Variants in CTNNA2 observed in about 807,000 individuals in gnomAD.
CTNNA2 encodes catenin alpha 2.
CTNNA2 carries 42 observed loss-of-function variants against 101.0 expected under a neutral mutation model. That is an observed-to-expected ratio of 0.42 (90% confidence interval 0.32 to 0.54). The LOEUF is 0.54. Among genes scored for constraint, CTNNA2 ranks in the 20% least tolerant of loss-of-function variants. The pLI, the probability that CTNNA2 is intolerant of heterozygous loss-of-function variation, is 0.14. For missense variants in CTNNA2, 871 were observed against 1,223.1 expected (o/e 0.71, Z 4.29); for synonymous variants, 450 against 456.4 (o/e 0.99, Z 0.18).
chr2:80,190,216 A>T (rs535694226), intron 7 of CTNNA2, among the ~76,000 whole-genome samples: 1 of 152,042 alleles, frequency 6.6e-6, no homozygotes, highest in Non-Finnish European at 1.5e-5. Flanking sequence ...AGCAAATGTG[A>T]CATGGGGTTT....
At chr2:79,775,076 C>G (rs562736256) in intron 3 of CTNNA2, among the ~76,000 whole-genome samples, 1 of 152,252 alleles carries the variant, frequency 6.6e-6, no homozygotes, top group African/African-American at 2.4e-5. Flanking sequence ...ATAAGAAAGA[C>G]TAAACAATAA....
chr2:80,347,612 T>A lies in CTNNA2; in HGVS notation c.1057-45599T>A, dbSNP rs148139553. 2.1e-3 allele frequency among the ~76,000 whole-genome samples: 323 copies of A among 152,264 alleles called. 1 individual carries two copies. The highest frequency in any genetic ancestry group is 7.6e-3 in the African/African-American group (316 of 41,546). ...GGAGCATGTGTTCTTTGAGCTCACA[T>A]TGCATAATGGAAATAAGCAACAAAC... On this transcript the variant is annotated intron_variant, in intron 7 of 18. Coordinates refer to ENST00000402739, the MANE Select transcript of CTNNA2 (RefSeq NM_001282597.3).
rs370151178 is a variant in CTNNA2 at position 80,303,544 on chromosome 2, C to T, written c.1057-89667C>T. 1 of 1,614,130 alleles carries T rather than the reference C, an allele frequency of 6.2e-7. No homozygotes were observed. Among genetic ancestry groups the T allele is most frequent in the Non-Finnish European group, 8.5e-7 (1 of 1,180,058 alleles). On this transcript the variant is annotated intron_variant, in intron 7 of 18. Transcript: ENST00000402739. The surrounding 1 kb of genome is among the most constrained non-coding windows in gnomAD (Gnocchi z 7.7). ...TGTGATTGTGATCCAGATAGAGCCA[C>T]GTGAGCTGCATTAACCCCGTGAACT...
chr2:80,421,101 G>A (rs1680486996), intron 9 of CTNNA2, among the ~76,000 whole-genome samples: 1 of 152,136 alleles, frequency 6.6e-6, no homozygotes, highest in South Asian at 2.1e-4. Flanking sequence ...TTGAGAAGGG[G>A]AAGGCGGAGA....
chr2:80,361,834 A>G (rs977024229), intron 7 of CTNNA2, among the ~76,000 whole-genome samples: 4 of 152,176 alleles, frequency 2.6e-5, no homozygotes, highest in Non-Finnish European at 5.9e-5. Context: ...TTGTATAAGT[A>G]CTAAACAAGA....
At chr2:79,860,919 T>TA (rs1309836963) in intron 4 of CTNNA2, among the ~76,000 whole-genome samples, 1 of 152,220 alleles carries the variant, frequency 6.6e-6, no homozygotes, top group East Asian at 1.9e-4. Flanking sequence ...ACGGATAAAG[T>TA]AACGTATTGT....
chr2:79,411,025 T>C (rs994728772), intron 4 of CTNNA2, among the ~76,000 whole-genome samples: 2 of 152,168 alleles, frequency 1.3e-5, no homozygotes, highest in Admixed American at 6.6e-5. Flanking sequence ...TGGTTTTGTC[T>C]TGGGAGAGTG....
intron 12 of CTNNA2, among the ~76,000 whole-genome samples, chr2:80,569,177 G>T (rs554548517): frequency 2.0e-5 from 3 of 152,086 alleles, no homozygotes; most frequent in Non-Finnish European, 4.4e-5. Context: ...TCTCTCAGGA[G>T]AATTTATTCC....
intron 18 of CTNNA2, among the ~76,000 whole-genome samples, chr2:80,622,174 A>T (rs1399885392): frequency 6.6e-5 from 10 of 151,904 alleles, no homozygotes; most frequent in Admixed American, 4.6e-4. Context: ...ATGTCTTTGG[A>T]AGAATTTAGG....
chr2:80,496,394 T>TCCA, intron 9 of CTNNA2, among the ~76,000 whole-genome samples: 1 of 117,212 alleles, frequency 8.5e-6, no homozygotes, highest in African/African-American at 3.6e-5. Context: ...TTCTTCACTG[T>TCCA]CTTTTTTTTT....
intron 7 of CTNNA2, among the ~76,000 whole-genome samples, chr2:80,246,441 T>C (rs1424225652): frequency 1.3e-5 from 2 of 152,250 alleles, no homozygotes; most frequent in African/African-American, 2.4e-5. Flanking sequence ...CAGAAATAAC[T>C]TGTTTAATGA....
At chr2:79,980,673 A>G (rs1207438727) in intron 7 of CTNNA2, among the ~76,000 whole-genome samples, 2 of 152,190 alleles carry the variant, frequency 1.3e-5, no homozygotes, top group Non-Finnish European at 2.9e-5. Flanking sequence ...GCAAAGGGCT[A>G]TAGTGTGAAT....
At chr2:80,236,729 C>G (rs79794840) in intron 7 of CTNNA2, among the ~76,000 whole-genome samples, 4 of 152,210 alleles carry the variant, frequency 2.6e-5, no homozygotes, top group South Asian at 4.1e-4. Flanking sequence ...TGTCAAGGAG[C>G]CTTATGTCTG....
chr2:80,438,461 AGC>A (rs1172368255), intron 9 of CTNNA2, among the ~76,000 whole-genome samples: 13 of 152,004 alleles, frequency 8.6e-5, no homozygotes, highest in Admixed American at 7.9e-4. Flanking sequence ...AGAGAAGGGA[AGC>A]AGAAATACTT....
At chr2:79,243,774 G>A (rs1023832229) in intron 2 of CTNNA2, among the ~76,000 whole-genome samples, 19 of 152,128 alleles carry the variant, frequency 1.2e-4, no homozygotes, top group African/African-American at 3.6e-4. Flanking sequence ...ATTAACCGAG[G>A]GAAGGGAGAA....
intron 7 of CTNNA2, among the ~76,000 whole-genome samples, chr2:80,262,446 T>C (rs374777202): frequency 1.3e-5 from 2 of 152,220 alleles, no homozygotes; most frequent in East Asian, 1.9e-4. Context: ...TTTTGTACAA[T>C]TTTAAGCTTA....
intron 7 of CTNNA2, among the ~76,000 whole-genome samples, chr2:80,016,709 T>A (rs745592866): frequency 3.3e-4 from 50 of 152,244 alleles, no homozygotes; most frequent in Non-Finnish European, 7.1e-4. Flanking sequence ...CAGGAACATT[T>A]TTGTCTTTTG....
intron 2 of CTNNA2, among the ~76,000 whole-genome samples, chr2:79,704,911 T>C (rs1394162575): frequency 6.6e-6 from 1 of 152,156 alleles, no homozygotes; most frequent in Admixed American, 6.5e-5. Context: ...CATATTTCTT[T>C]AGGAAAAAGT....
chr2:80,065,764 C>T (rs1397017509), intron 7 of CTNNA2, among the ~76,000 whole-genome samples: 1 of 152,116 alleles, frequency 6.6e-6, no homozygotes, highest in African/African-American at 2.4e-5. Context: ...TAAAAGCTCA[C>T]AAAGCATCAG....
Sources: gnomAD v4.1 joint callset for allele counts (sites outside exome capture counted in the v4.1 genomes callset) on GRCh38, gnomAD v4.1.1 for gene constraint, Gnocchi (gnomAD v3.1) non-coding constraint, MANE v1.5 for transcripts, NCBI Gene and HGNC (gene_info 2026-07-23, HGNC 2026-07-21) for gene names.